Variants in TBC1D20 observed in about 807,000 individuals in gnomAD.
TBC1D20 encodes TBC1 domain family member 20.
Under a neutral mutation model 41.6 loss-of-function variants are expected in TBC1D20, and 12 were observed. The ratio of observed to expected loss-of-function variants is 0.29; its 90% CI spans 0.18 to 0.47. The LOEUF is 0.47. Ranked by LOEUF, TBC1D20 falls within the 20% of genes least tolerant of loss-of-function variation. The probability of loss-of-function intolerance (pLI) is 1.00; values close to 1 mark genes in which losing one functional copy is unlikely to be tolerated. For synonymous variants in TBC1D20, 205 were observed against 204.8 expected (o/e 1.00, Z -0.01); for missense variants, 421 against 517.4 (o/e 0.81, Z 1.81).
intron 3 of TBC1D20, among the ~76,000 whole-genome samples, chr20:442,446 G>A (rs2017253470): frequency 6.6e-6 from 1 of 152,176 alleles, no homozygotes; most frequent in Non-Finnish European, 1.5e-5. Context: ...ATCCCCAAAG[G>A]AAGAGAAATT....
At chr20:447,098 G>GCCAC (rs1275721208) in intron 2 of TBC1D20, among the ~76,000 whole-genome samples, 1 of 149,542 alleles carries the variant, frequency 6.7e-6, no homozygotes, top group Non-Finnish European at 1.5e-5. Flanking sequence ...ACAGGCACCT[G>GCCAC]CCACCATACC....
rs542520083 is a variant in TBC1D20 at position 441,623 on chromosome 20, G to A, written c.591C>T (p.Asp197=). The A allele has an allele frequency of 1.2e-6, 2 of 1,614,152 alleles. No homozygotes were observed. The highest frequency in any genetic ancestry group is 2.2e-5 in the East Asian group (1 of 44,888). The stretch of plus-strand genomic sequence containing the variant: ...AGTCATGGAGCTCTGGATTCACCTG[G>A]TCAATGATGGGCATCAGATAGTTTA... The part of the protein sequence containing the change: ...HILNYLMPII[D]QVNPELHDFM... Residue 197 remains aspartate (D), a synonymous_variant, in exon 5 of 8, where the codon GAC becomes GAT. Transcript: ENST00000354200.
chr20:453,615 G>A (rs1380340998), intron 1 of TBC1D20, among the ~76,000 whole-genome samples: 4 of 122,916 alleles, frequency 3.3e-5, no homozygotes, highest in African/African-American at 6.6e-5. Context: ...GCGCAATCTC[G>A]GCTTACTGCA....
chr20:462,472 G>A lies in TBC1D20; in HGVS notation c.-67C>T, dbSNP rs1488911000. 3.1e-6 allele frequency: 3 copies of A among 983,346 alleles called. No individual in the cohort carries two copies. Among genetic ancestry groups the A allele is most frequent in the African/African-American group, 1.7e-5 (1 of 58,052 alleles). 60.9% of individuals were successfully genotyped at this position (983,346 alleles called of 1,614,324 possible). A position where few individuals can be genotyped will look rare whatever the true frequency, so the allele number is the denominator to read the frequency against. Reference sequence around the variant, plus strand: ...CGGAGCCGGGAGAAGACGCGGCTCCGACCGCGGGACGTAGCACCCGCTCGG... The same window carrying A: ...CGGAGCCGGGAGAAGACGCGGCTCCAACCGCGGGACGTAGCACCCGCTCGG... On this transcript the variant is annotated 5_prime_UTR_variant, in exon 1 of 8. Transcript: ENST00000354200.
chr20:437,790 C>T lies in TBC1D20; in HGVS notation c.*796G>A, dbSNP rs2017147917. 6.5e-6 allele frequency: 1 copy of T among 153,470 alleles called. No homozygotes were observed. Among genetic ancestry groups the T allele is most frequent in the South Asian group, 2.1e-4 (1 of 4,822 alleles). The allele number at this position is 153,470 out of a possible 1,614,324, so 9.5% of individuals were successfully genotyped here. A position where few individuals can be genotyped will look rare whatever the true frequency, so the allele number is the denominator to read the frequency against. Reference sequence around the variant, plus strand: ...AACTATTTTTTTTTCCGTGAAGGAACTATTATTACTTTAAAAGTGAGGGTA... The same window carrying T: ...AACTATTTTTTTTTCCGTGAAGGAATTATTATTACTTTAAAAGTGAGGGTA... On this transcript the variant is annotated 3_prime_UTR_variant, in exon 8 of 8. Transcript: ENST00000354200.
At chr20:456,296 T>C (rs2017538235) in intron 1 of TBC1D20, among the ~76,000 whole-genome samples, 2 of 152,168 alleles carry the variant, frequency 1.3e-5, no homozygotes, top group African/African-American at 2.4e-5. Context: ...ACCTAGTCAA[T>C]TGTTCATGAG....
chr20:444,847 C>T (rs2017301776), intron 3 of TBC1D20, among the ~76,000 whole-genome samples: 1 of 151,974 alleles, frequency 6.6e-6, no homozygotes, highest in African/African-American at 2.4e-5. Flanking sequence ...TCTCATTCAC[C>T]ACCTCTAGGC....
Position 437,580 on chromosome 20 carries a change from C to T in TBC1D20, c.*1006G>A, listed in dbSNP as rs2017144389. On this transcript the variant is annotated 3_prime_UTR_variant, in exon 8 of 8. Coordinates refer to ENST00000354200, the MANE Select transcript of TBC1D20 (RefSeq NM_144628.4). ...TCAAGTCAGACCCAAAAAACGACGC[C>T]AAGGTAGTGAGTGGGTGCCTATTTG... The T allele has an allele frequency of 6.6e-6, 1 of 152,326 alleles. No homozygotes were observed. Among genetic ancestry groups the T allele is most frequent in the Non-Finnish European group, 1.5e-5 (1 of 68,052 alleles). 9.4% of individuals were successfully genotyped at this position (152,326 alleles called of 1,614,324 possible).
intron 1 of TBC1D20, 137 bp downstream of exon 1, chr20:462,199 G>A (rs184633119): frequency 2.5e-6 from 1 of 406,460 alleles, no homozygotes; most frequent in Non-Finnish European, 3.5e-6. Flanking sequence ...CCCTCAGCCT[G>A]TTCCTCTCGC....
At chr20:440,168 C>T (rs2017199912) in intron 6 of TBC1D20, 80 bp downstream of exon 6, 3 of 1,529,858 alleles carry the variant, frequency 2.0e-6, no homozygotes, top group Admixed American at 2.0e-5. Flanking sequence ...TCCATAATCC[C>T]CAGGTTTCCC....
chr20:449,845 G>A (rs1010489813), intron 1 of TBC1D20, among the ~76,000 whole-genome samples: 4 of 152,144 alleles, frequency 2.6e-5, no homozygotes, highest in Non-Finnish European at 5.9e-5. Flanking sequence ...TAATTAGTAC[G>A]TAATATGCAA....
rs756490529 is a variant in TBC1D20 at position 440,297 on chromosome 20, T to G, written c.719A>C (p.Asp240Ala). The G allele has an allele frequency of 6.2e-7, 1 of 1,613,716 alleles. No homozygotes were observed. The highest frequency in any genetic ancestry group is 1.7e-5 in the Admixed American group (1 of 59,962). Reference protein sequence around the residue: ...SDFRHVVRLYDFFLACHPLMP... With the variant: ...SDFRHVVRLYAFFLACHPLMP... Reference sequence around the variant, plus strand: ...CAGTGGGTGGCAGGCCAGGAAGAAGTCATATAACCGCACGACGTGCCTGAA... The same window carrying G: ...CAGTGGGTGGCAGGCCAGGAAGAAGGCATATAACCGCACGACGTGCCTGAA... Residue 240 changes from aspartate (D) to alanine (A), a missense_variant, in exon 6 of 8, where the codon GAC (aspartate) becomes GCC (alanine). Physicochemically the swap from Asp to Ala is moderately radical, Grantham distance 126. Around this residue, in one of 3 missense-constraint regions of TBC1D20, gnomAD observed 110 missense variants for 183.5 expected, o/e 0.60. Coordinates refer to ENST00000354200, the MANE Select transcript of TBC1D20 (RefSeq NM_144628.4).
intron 1 of TBC1D20, among the ~76,000 whole-genome samples, chr20:460,713 T>C (rs556496929): frequency 7.2e-5 from 11 of 152,256 alleles, no homozygotes; most frequent in African/African-American, 2.2e-4. Flanking sequence ...CTATAAACGC[T>C]ACAAAAGAGG....
intron 1 of TBC1D20, among the ~76,000 whole-genome samples, chr20:453,909 A>T (rs1441308111): frequency 6.9e-6 from 1 of 144,800 alleles, no homozygotes; most frequent in African/African-American, 2.6e-5. Flanking sequence ...GATTGAGACG[A>T]GCCTGGCCAA....
intron 1 of TBC1D20, among the ~76,000 whole-genome samples, chr20:450,501 C>A (rs1397036055): frequency 6.6e-6 from 1 of 152,104 alleles, no homozygotes; most frequent in Non-Finnish European, 1.5e-5. Flanking sequence ...TCCAGTGTGG[C>A]TGGTGACACT....
At chr20:454,068 G>A (rs2017499009) in intron 1 of TBC1D20, among the ~76,000 whole-genome samples, 1 of 141,754 alleles carries the variant, frequency 7.1e-6, no homozygotes, top group Non-Finnish European at 1.5e-5. Context: ...GTGAAACCCT[G>A]TCTTTACTAA....
chr20:436,622 A>C lies in TBC1D20; in HGVS notation c.*1964T>G, dbSNP rs975546465. ...GAGGGGCAGCTGGTGCCGCCCACTG[A>C]GAGGATGACAAGAGGGCCAGCTTGC... is the stretch of plus-strand genomic sequence containing the variant. On this transcript the variant is annotated 3_prime_UTR_variant, in exon 8 of 8. Transcript: ENST00000354200. 1 of 153,734 alleles carries C rather than the reference A, an allele frequency of 6.5e-6. No individual in the cohort carries two copies. The highest frequency in any genetic ancestry group is 1.9e-4 in the East Asian group (1 of 5,198). The allele number at this position is 153,734 out of a possible 1,614,324, so 9.5% of individuals were successfully genotyped here.
intron 1 of TBC1D20, 67 bp downstream of exon 1, chr20:462,269 G>T: frequency 8.9e-7 from 1 of 1,128,568 alleles, no homozygotes; most frequent in Non-Finnish European, 1.1e-6. Flanking sequence ...CGCCGCCTCC[G>T]CCAGCTGCCC....
At position 453,535 on chromosome 20, in the gene TBC1D20, C is replaced by T. The variant is rs1487993677; in HGVS notation, c.71-5461G>A. 4.4e-5 allele frequency among the ~76,000 whole-genome samples: 6 copies of T among 137,636 alleles called. No individual in the cohort carries two copies. In the East Asian group the frequency reaches 1.2e-3, roughly 27 times the overall value. The allele number at this position is 137,636 out of a possible 152,430, so 90.3% of individuals were successfully genotyped here. On this transcript the variant is annotated intron_variant, in intron 1 of 7. Transcript: ENST00000354200. ...ACGGACGGTGGCTCGTGCCTGTAAT[C>T]CAGCATTTTTTTTTTTTTTTTTTTT...
Sources: allele counts gnomAD v4.1 joint callset (sites outside exome capture counted in the v4.1 genomes callset), GRCh38; gene constraint gnomAD v4.1.1; regional missense constraint gnomAD v4.1.1; transcripts MANE v1.5; gene names NCBI Gene and HGNC (gene_info 2026-07-23, HGNC 2026-07-21).